SEMA6D: variants seen among roughly 807,000 people sequenced by gnomAD.
SEMA6D encodes the protein semaphorin-6D.
A neutral mutation model predicts 106.6 loss-of-function variants in SEMA6D; 35 were observed. The observed-to-expected ratio is 0.33, with a 90% CI of 0.25 to 0.44. The LOEUF (loss-of-function observed/expected upper bound fraction) is 0.44. Among genes scored for constraint, SEMA6D ranks in the 20% least tolerant of loss-of-function variants. The pLI is 1.00. For synonymous variants in SEMA6D, 499 were observed against 487.7 expected, an observed-to-expected ratio of 1.02 and a Z score of -0.31; for missense variants, 1,185 against 1,345.9, an observed-to-expected ratio of 0.88 and a Z score of 1.87.
At chr15:47,547,166 T>C (rs1275378021) in intron 3 of SEMA6D, among the ~76,000 whole-genome samples, 2 of 152,172 alleles carry the variant, frequency 1.3e-5, no homozygotes, top group African/African-American at 2.4e-5. Flanking sequence ...TCTTGAGCTA[T>C]GTGGCTGGAG....
At chr15:47,722,806 T>C (rs568553075) in intron 1 of SEMA6D, among the ~76,000 whole-genome samples, 4 of 152,338 alleles carry the variant, frequency 2.6e-5, no homozygotes, top group Admixed American at 2.6e-4. Flanking sequence ...ACTTAACACT[T>C]AATGTTAGCT....
At chr15:47,350,080 T>C (rs2038256614) in intron 1 of SEMA6D, among the ~76,000 whole-genome samples, 1 of 152,128 alleles carries the variant, frequency 6.6e-6, no homozygotes, top group Non-Finnish European at 1.5e-5. Context: ...TGCACATATA[T>C]GTATGTGGTC....
chr15:47,319,269 A>T (rs2036827982), intron 1 of SEMA6D, among the ~76,000 whole-genome samples: 1 of 152,086 alleles, frequency 6.6e-6, no homozygotes. Flanking sequence ...TTAAATTCCC[A>T]GTCTTATAAT....
chr15:47,641,352 G>A (rs1345895219), intron 4 of SEMA6D, among the ~76,000 whole-genome samples: 2 of 152,160 alleles, frequency 1.3e-5, no homozygotes, highest in Non-Finnish European at 1.5e-5. Context: ...ACTGTGACTC[G>A]GGGCCTGTTA....
chr15:47,697,306 T>A (rs1347468040), intron 4 of SEMA6D, among the ~76,000 whole-genome samples: 1 of 152,166 alleles, frequency 6.6e-6, no homozygotes, highest in African/African-American at 2.4e-5. Context: ...TGTTCATATC[T>A]TGATAGGAAT....
intron 1 of SEMA6D, among the ~76,000 whole-genome samples, chr15:47,360,715 A>T (rs1235787661): frequency 6.6e-6 from 1 of 152,254 alleles, no homozygotes; most frequent in Non-Finnish European, 1.5e-5. Flanking sequence ...AATTCAAAAA[A>T]CATTTTTATC....
At chr15:47,258,686 G>GT (rs1350866447) in intron 1 of SEMA6D, among the ~76,000 whole-genome samples, 1 of 151,978 alleles carries the variant, frequency 6.6e-6, no homozygotes, top group Non-Finnish European at 1.5e-5. Flanking sequence ...GTGCCACCAA[G>GT]TTTTCCTTGC....
intron 4 of SEMA6D, among the ~76,000 whole-genome samples, chr15:47,711,171 G>A (rs970615643): frequency 9.3e-5 from 14 of 151,096 alleles, no homozygotes; most frequent in African/African-American, 2.9e-4. Context: ...TTAGCCGGGC[G>A]TAGTGGCGGG....
intron 3 of SEMA6D, among the ~76,000 whole-genome samples, chr15:47,483,279 T>G (rs2043204556): frequency 6.6e-6 from 1 of 152,172 alleles, no homozygotes; most frequent in Non-Finnish European, 1.5e-5. Flanking sequence ...CATAGACCCT[T>G]CAGACTGCAA....
At chr15:47,681,614 A>C (rs2078354719) in intron 4 of SEMA6D, among the ~76,000 whole-genome samples, 2 of 152,240 alleles carry the variant, frequency 1.3e-5, no homozygotes, top group East Asian at 3.8e-4. Context: ...GCAAAATAAA[A>C]AAATAGAATG....
chr15:47,538,557 C>T (rs551804834), intron 3 of SEMA6D, among the ~76,000 whole-genome samples: 4 of 152,222 alleles, frequency 2.6e-5, no homozygotes, highest in South Asian at 2.1e-4. Flanking sequence ...TAGAATCAAA[C>T]GAATTATCTG....
At chr15:47,698,659 T>C (rs1161412762) in intron 4 of SEMA6D, among the ~76,000 whole-genome samples, 3 of 152,206 alleles carry the variant, frequency 2.0e-5, no homozygotes, top group Admixed American at 6.5e-5. Flanking sequence ...AATTCACATA[T>C]ATAAAGTAGA....
chr15:47,417,996 T>C (rs191709549), intron 2 of SEMA6D, among the ~76,000 whole-genome samples: 1 of 152,140 alleles, frequency 6.6e-6, no homozygotes, highest in East Asian at 1.9e-4. Flanking sequence ...GATAAATATA[T>C]CTAAAATATA....
At chr15:47,646,882 A>G (rs1282186215) in intron 4 of SEMA6D, among the ~76,000 whole-genome samples, 1 of 152,204 alleles carries the variant, frequency 6.6e-6, no homozygotes, top group Non-Finnish European at 1.5e-5. Flanking sequence ...TGAAAGAACA[A>G]GATTTTCAGA....
chr15:47,447,759 G>A (rs2140889551), intron 2 of SEMA6D, among the ~76,000 whole-genome samples: 2 of 152,272 alleles, frequency 1.3e-5, no homozygotes, highest in East Asian at 3.9e-4. Context: ...TTGGTTAGGA[G>A]CACAGGCAAA....
chr15:47,318,067 A>G (rs896809129), intron 1 of SEMA6D, among the ~76,000 whole-genome samples: 12 of 107,900 alleles, frequency 1.1e-4, no homozygotes, highest in African/African-American at 3.2e-4. Context: ...CTTTATTTTA[A>G]TATTTACTTC....
chr15:47,404,547 G>A (rs2040499671), intron 1 of SEMA6D, among the ~76,000 whole-genome samples: 1 of 152,106 alleles, frequency 6.6e-6, no homozygotes, highest in African/African-American at 2.4e-5. Context: ...TTAATGCTGT[G>A]ACCTGATTGG....
chr15:47,733,673 T>G (rs2080275285), intron 1 of SEMA6D, among the ~76,000 whole-genome samples: 1 of 152,172 alleles, frequency 6.6e-6, no homozygotes, highest in Non-Finnish European at 1.5e-5. Context: ...TTTTCCTCAC[T>G]GGAAAGTTAG....
At position 47,763,010 on chromosome 15, in the gene SEMA6D, T is replaced by C. The variant is rs1354728845; in HGVS notation, c.659-6T>C. 6.2e-7 allele frequency: 1 copy of C among 1,605,272 alleles called. No homozygotes were observed. The highest frequency in any genetic ancestry group is 8.5e-7 in the Non-Finnish European group (1 of 1,176,404). ...GGAACCAGTTTGTTTTTAATTTTTC[T>C]TTCAGAGCCACACTTTCTTCATGCC... On this transcript the variant is annotated splice_region_variant and splice_polypyrimidine_tract_variant and intron_variant, in intron 8 of 18. Transcript: ENST00000536845.
Sources: gnomAD v4.1 joint callset for allele counts (sites outside exome capture counted in the v4.1 genomes callset) on GRCh38, gnomAD v4.1.1 for gene constraint, MANE v1.5 for transcripts, NCBI Gene and HGNC (gene_info 2026-07-23, HGNC 2026-07-21) for gene names.